The following HS3ST4 variants were observed in gnomAD, a reference collection of about 807,000 sequenced individuals.
The protein encoded by HS3ST4 is heparan sulfate glucosamine 3-O-sulfotransferase 4.
A neutral mutation model predicts 29.2 loss-of-function variants in HS3ST4; 17 were observed. The ratio of observed to expected loss-of-function variants is 0.58; its 90% CI spans 0.40 to 0.87. HS3ST4 has a LOEUF of 0.87. Among genes scored for constraint, HS3ST4 ranks in the 40% least tolerant of loss-of-function variants. The pLI is 0.00. For missense variants in HS3ST4, 627 were observed against 634.5 expected (o/e 0.99, Z 0.13); for synonymous variants, 314 against 285.7 (o/e 1.10, Z -1.00).
intron 1 of HS3ST4, among the ~76,000 whole-genome samples, chr16:25,857,436 T>C (rs888866113): frequency 2.0e-5 from 3 of 152,192 alleles, no homozygotes; most frequent in Non-Finnish European, 4.4e-5. Flanking sequence ...ACTGAAACCT[T>C]ACATTGTTTG....
chr16:25,843,652 GA>G (rs1967437515), intron 1 of HS3ST4, among the ~76,000 whole-genome samples: 1 of 152,172 alleles, frequency 6.6e-6, no homozygotes, highest in South Asian at 2.1e-4. Context: ...TTGGCAAAGA[GA>G]CTTTGGAAAT....
intron 1 of HS3ST4, among the ~76,000 whole-genome samples, chr16:25,999,178 T>C (rs919193127): frequency 6.6e-6 from 1 of 152,158 alleles, no homozygotes; most frequent in African/African-American, 2.4e-5. Context: ...AAGGTGTAGG[T>C]TCACCTTAGG....
intron 1 of HS3ST4, among the ~76,000 whole-genome samples, chr16:26,081,785 T>TC (rs1491270542): frequency 1.4e-4 from 16 of 116,718 alleles, no homozygotes; most frequent in Non-Finnish European, 2.7e-4. Context: ...GGGAGTACAT[T>TC]CTTTTTTTTT....
chr16:25,797,769 A>G (rs542499188), intron 1 of HS3ST4, among the ~76,000 whole-genome samples: 33 of 152,320 alleles, frequency 2.2e-4, no homozygotes, highest in Admixed American at 2.0e-3. Context: ...AATGGATAAC[A>G]GTTAGAATCC....
At chr16:25,947,754 C>T (rs759064909) in intron 1 of HS3ST4, among the ~76,000 whole-genome samples, 1 of 152,168 alleles carries the variant, frequency 6.6e-6, no homozygotes, top group African/African-American at 2.4e-5. Context: ...TGCACTTGCT[C>T]TTACTTACAT....
chr16:25,732,317 T>A (rs1966575351), intron 1 of HS3ST4, among the ~76,000 whole-genome samples: 1 of 152,218 alleles, frequency 6.6e-6, no homozygotes, highest in Non-Finnish European at 1.5e-5. Flanking sequence ...CAGCTACCTT[T>A]TTACATTGTA....
At chr16:25,991,208 A>T (rs1327476225) in intron 1 of HS3ST4, among the ~76,000 whole-genome samples, 1 of 152,198 alleles carries the variant, frequency 6.6e-6, no homozygotes, top group East Asian at 1.9e-4. Context: ...CGGGCAGCAG[A>T]TGTGTTTATA....
chr16:25,786,477 T>A (rs1178535067), intron 1 of HS3ST4, among the ~76,000 whole-genome samples: 2 of 152,226 alleles, frequency 1.3e-5, no homozygotes, highest in Non-Finnish European at 2.9e-5. Context: ...ACCAAGATCA[T>A]TATCATTATC....
At chr16:25,789,294 CTCT>C (rs752786017) in intron 1 of HS3ST4, among the ~76,000 whole-genome samples, 7 of 151,738 alleles carry the variant, frequency 4.6e-5, no homozygotes, top group Non-Finnish European at 1.0e-4. Context: ...CCTCCATCTC[CTCT>C]TCTTTCTTTC....
intron 1 of HS3ST4, among the ~76,000 whole-genome samples, chr16:25,783,203 T>C (rs1276165196): frequency 6.6e-6 from 1 of 152,224 alleles, no homozygotes; most frequent in Non-Finnish European, 1.5e-5. Context: ...AATTTTCCAA[T>C]ATGTTTCTTT....
At chr16:25,816,541 A>G (rs989974410) in intron 1 of HS3ST4, among the ~76,000 whole-genome samples, 1 of 152,196 alleles carries the variant, frequency 6.6e-6, no homozygotes, top group African/African-American at 2.4e-5. Context: ...TAAGGCTAGA[A>G]TTGTCTCTAT....
chr16:25,786,924 C>T lies in HS3ST4; in HGVS notation c.734+93773C>T, dbSNP rs534284780. ...TGGAAAAAATTACTTTTATGAACAG[C>T]AGATTCTCATGGGAGGACCCCCAGC... is the stretch of plus-strand genomic sequence containing the variant. On this transcript the variant is annotated intron_variant, in intron 1 of 1. Transcript: ENST00000331351. Among the ~76,000 whole-genome samples the T allele has an allele frequency of 8.5e-5, 13 of 152,326 alleles. No individual in the cohort carries two copies. The South Asian group carries it at 1.2e-3, about 15-fold the overall frequency.
intron 1 of HS3ST4, among the ~76,000 whole-genome samples, chr16:25,967,846 A>G (rs981254533): frequency 2.6e-5 from 4 of 152,146 alleles, no homozygotes; most frequent in African/African-American, 9.7e-5. Flanking sequence ...TGGGAGAGGA[A>G]TTGGATAGAG....
At chr16:26,036,400 G>T (rs1050308694) in intron 1 of HS3ST4, among the ~76,000 whole-genome samples, 22 of 152,178 alleles carry the variant, frequency 1.4e-4, no homozygotes, top group Admixed American at 1.2e-3. Flanking sequence ...AGGGTTAGAC[G>T]TGACCCTGCC....
intron 1 of HS3ST4, among the ~76,000 whole-genome samples, chr16:25,902,397 G>A (rs2141673915): frequency 6.6e-6 from 1 of 152,276 alleles, no homozygotes; most frequent in East Asian, 1.9e-4. Flanking sequence ...TCTGGAGGCT[G>A]AGGTGGGAGG....
chr16:26,045,442 A>G (rs1229617849), intron 1 of HS3ST4, among the ~76,000 whole-genome samples: 1 of 152,204 alleles, frequency 6.6e-6, no homozygotes, highest in Non-Finnish European at 1.5e-5. Context: ...TATTGAAAAC[A>G]TTATCCCTTG....
At chr16:26,003,816 GC>G (rs1046371506) in intron 1 of HS3ST4, among the ~76,000 whole-genome samples, 1 of 152,086 alleles carries the variant, frequency 6.6e-6, no homozygotes, top group African/African-American at 2.4e-5. Flanking sequence ...GAATTTCTTG[GC>G]AGTGCAGGGT....
rs1966261368 is a variant in HS3ST4 at position 25,692,585 on chromosome 16, G to A, written c.168G>A (p.Ser56=). 1.4e-6 allele frequency: 2 copies of A among 1,422,614 alleles called. No individual in the cohort carries two copies. Among genetic ancestry groups the A allele is most frequent in the Non-Finnish European group, 1.9e-6 (2 of 1,077,772 alleles). 88.1% of individuals were successfully genotyped at this position (1,422,614 alleles called of 1,614,324 possible). Residue 56 remains serine (S), a synonymous_variant, in exon 1 of 2, where the codon TCG becomes TCA. Transcript: ENST00000331351. The part of the protein sequence containing the change: ...TYLCYSLLGG[S]GSLQFPLALQ... Reference sequence around the variant, plus strand: ...TGTGCTACAGCCTCCTGGGCGGCTCGGGCTCCCTGCAATTCCCTCTGGCGC... The same window carrying A: ...TGTGCTACAGCCTCCTGGGCGGCTCAGGCTCCCTGCAATTCCCTCTGGCGC...
chr16:25,881,175 C>G (rs769543461), intron 1 of HS3ST4, among the ~76,000 whole-genome samples: 9 of 152,074 alleles, frequency 5.9e-5, no homozygotes, highest in Non-Finnish European at 8.8e-5. Context: ...GAATGAGAAC[C>G]CTTCGTAGGC....
Sources: gnomAD v4.1 joint callset for allele counts (sites outside exome capture counted in the v4.1 genomes callset) on GRCh38, gnomAD v4.1.1 for gene constraint, MANE v1.5 for transcripts, NCBI Gene and HGNC (gene_info 2026-07-23, HGNC 2026-07-21) for gene names.